The following NPSR1 variants were observed in gnomAD, a reference collection of about 807,000 sequenced individuals.
The protein encoded by NPSR1 is neuropeptide S receptor.
In NPSR1, 48 loss-of-function variants were observed where a neutral mutation model predicts 46.9. The ratio of observed to expected loss-of-function variants is 1.02; its 90% confidence interval spans 0.81 to 1.30. The LOEUF (loss-of-function observed/expected upper bound fraction) is 1.30, where lower values mean the gene tolerates loss of function less well. Ranked by LOEUF, NPSR1 falls within the 50% of genes most tolerant of loss-of-function variation. The probability of loss-of-function intolerance (pLI) is 0.00; values close to 1 mark genes in which losing one functional copy is unlikely to be tolerated. For synonymous variants in NPSR1, 176 were observed against 168.1 expected (o/e 1.05, Z -0.36); for missense variants, 450 against 449.5 (o/e 1.00, Z -0.01).
Position 34,862,930 on chromosome 7 carries a change from C to T in NPSR1, c.1025+14267C>T, listed in dbSNP as rs534307075. Among the ~76,000 whole-genome samples, 80 of 151,698 alleles carry T rather than the reference C, an allele frequency of 5.3e-4. 1 individual carries two copies. The highest frequency in any genetic ancestry group is 7.6e-4 in the Non-Finnish European group (52 of 67,980). On this transcript the variant is annotated intron_variant, in intron 8 of 8. Coordinates refer to the NPSR1 transcript ENST00000359791. ...TATGTTCTACAGTGAAATTCAATGACGACATTAAGATACTACAGCAAGGAG... is the reference window on the plus strand; with the variant it reads ...TATGTTCTACAGTGAAATTCAATGATGACATTAAGATACTACAGCAAGGAG...
At chr7:34,718,145 G>C (rs1009646334) in intron 2 of NPSR1, among the ~76,000 whole-genome samples, 1 of 152,116 alleles carries the variant, frequency 6.6e-6, no homozygotes, top group African/African-American at 2.4e-5. Flanking sequence ...AGTTAAAGTG[G>C]AAAATTCTTT....
At chr7:34,797,069 T>C (rs922215432) in intron 3 of NPSR1, among the ~76,000 whole-genome samples, 2 of 152,130 alleles carry the variant, frequency 1.3e-5, no homozygotes, top group Non-Finnish European at 2.9e-5. Context: ...TTTATGCATA[T>C]TAGTAAGCAA....
At chr7:34,813,007 A>G (rs139559891) in intron 4 of NPSR1, among the ~76,000 whole-genome samples, 94 of 152,314 alleles carry the variant, frequency 6.2e-4, no homozygotes, top group African/African-American at 2.2e-3. Flanking sequence ...TTCATTTACT[A>G]TTGACAGGGG....
intron 3 of NPSR1, chr7:34,779,527 G>A: frequency 9.5e-7 from 1 of 1,052,932 alleles, no homozygotes; most frequent in Non-Finnish European, 1.3e-6. Flanking sequence ...TTTTTCATTG[G>A]TTTTATTATT....
At chr7:34,809,238 T>G (rs556793021) in intron 3 of NPSR1, among the ~76,000 whole-genome samples, 122 of 151,526 alleles carry the variant, frequency 8.1e-4, no homozygotes, top group African/African-American at 2.9e-3. Flanking sequence ...GACGATCGAT[T>G]TTTTTTTTCT....
chr7:34,759,160 C>G (rs1459895968), intron 2 of NPSR1, among the ~76,000 whole-genome samples: 2 of 152,124 alleles, frequency 1.3e-5, no homozygotes, highest in Non-Finnish European at 2.9e-5. Flanking sequence ...ACTATTTTTC[C>G]TTTTGCAACT....
chr7:34,849,716 T>A lies in NPSR1; in HGVS notation c.*61T>A, dbSNP rs1306076243. On this transcript the variant is annotated 3_prime_UTR_variant, in exon 9 of 9. Coordinates refer to ENST00000360581, the MANE Select transcript of NPSR1 (RefSeq NM_207172.2). Reference sequence around the variant, plus strand: ...TCAGCTCTCCCAGGTCCTTGTCACCTGCTTGGGCACGTGCATGGAACCCGA... The same window carrying A: ...TCAGCTCTCCCAGGTCCTTGTCACCAGCTTGGGCACGTGCATGGAACCCGA... The A allele has an allele frequency of 6.3e-7, 1 of 1,597,734 alleles. No homozygotes were observed. Among genetic ancestry groups the A allele is most frequent in the African/African-American group, 1.3e-5 (1 of 74,340 alleles).
At chr7:34,794,971 A>G (rs1231370101) in intron 3 of NPSR1, among the ~76,000 whole-genome samples, 1 of 152,076 alleles carries the variant, frequency 6.6e-6, no homozygotes, top group East Asian at 1.9e-4. Flanking sequence ...CCCAGGGGTT[A>G]GAGGCTACAG....
intron 2 of NPSR1, among the ~76,000 whole-genome samples, chr7:34,742,193 G>C (rs940585515): frequency 6.6e-6 from 1 of 150,926 alleles, no homozygotes; most frequent in African/African-American, 2.4e-5. Flanking sequence ...TAGGTTTGGG[G>C]GTGCATGTGA....
At chr7:34,747,645 C>T (rs561324313) in intron 2 of NPSR1, among the ~76,000 whole-genome samples, 9 of 152,246 alleles carry the variant, frequency 5.9e-5, no homozygotes, top group South Asian at 2.1e-4. Context: ...CACACGTGCA[C>T]GAGCACCCAC....
At chr7:34,867,901 G>T (rs181603467) in intron 8 of NPSR1, among the ~76,000 whole-genome samples, 25 of 151,806 alleles carry the variant, frequency 1.6e-4, no homozygotes, top group Non-Finnish European at 3.1e-4. Context: ...AGGTATGCCT[G>T]CCCTAAATGG....
chr7:34,721,449 C>G (rs919585163), intron 2 of NPSR1, among the ~76,000 whole-genome samples: 8 of 152,136 alleles, frequency 5.3e-5, no homozygotes, highest in Non-Finnish European at 7.4e-5. Flanking sequence ...TCACCATTTT[C>G]AAGCACAGTA....
intron 3 of NPSR1, among the ~76,000 whole-genome samples, chr7:34,791,501 C>A (rs551733849): frequency 1.3e-5 from 2 of 150,660 alleles, no homozygotes; most frequent in Non-Finnish European, 3.0e-5. Flanking sequence ...TGAAGTTAAT[C>A]AAGTAGGTGA....
chr7:34,693,947 C>T (rs998963173), intron 2 of NPSR1, among the ~76,000 whole-genome samples: 1 of 151,974 alleles, frequency 6.6e-6, no homozygotes, highest in Non-Finnish European at 1.5e-5. Context: ...CAATAAAATC[C>T]AACATCTTTT....
intron 2 of NPSR1, among the ~76,000 whole-genome samples, chr7:34,732,124 A>C (rs186091881): frequency 6.6e-6 from 1 of 151,076 alleles, no homozygotes; most frequent in East Asian, 1.9e-4. Context: ...TGGAATTCTC[A>C]GTTTGTAGAA....
In NPSR1 at chr7:34,811,831, C is replaced by A; in HGVS notation, c.446C>A (p.Ala149Asp). ...TCCCTCAGCATAGACAGATACCATG[C>A]CATCGTCTACCCCATGAAGTTCCTT... ...LVSLSIDRYH[A>D]IVYPMKFLQG... Residue 149 changes from alanine to aspartate, a missense_variant, in exon 4 of 9, where the codon GCC (alanine) becomes GAC (aspartate). By Grantham distance (126) the Ala-to-Asp change is moderately radical. Transcript: ENST00000360581. The A allele has an allele frequency of 6.2e-7, 1 of 1,613,400 alleles. No individual in the cohort carries two copies. Among genetic ancestry groups the A allele is most frequent in the Non-Finnish European group, 8.5e-7 (1 of 1,179,710 alleles).
At chr7:34,830,957 T>C (rs1340641218) in intron 5 of NPSR1, among the ~76,000 whole-genome samples, 1 of 152,188 alleles carries the variant, frequency 6.6e-6, no homozygotes, top group Non-Finnish European at 1.5e-5. Context: ...CACCTTGCCT[T>C]GTTTCACCCA....
At chr7:34,723,333 C>G (rs1230105098) in intron 2 of NPSR1, 5 of 152,572 alleles carry the variant, frequency 3.3e-5, no homozygotes, top group African/African-American at 1.2e-4. Context: ...ATGACCTTCA[C>G]TGGGTCTAGG....
At chr7:34,720,604 G>T (rs1431348743) in intron 2 of NPSR1, among the ~76,000 whole-genome samples, 2 of 152,138 alleles carry the variant, frequency 1.3e-5, no homozygotes, top group African/African-American at 4.8e-5. Context: ...TTTGGTGTGT[G>T]TGATGGGGGA....
Sources: gnomAD v4.1 joint callset for allele counts (sites outside exome capture counted in the v4.1 genomes callset) on GRCh38, gnomAD v4.1.1 for gene constraint, MANE v1.5 for transcripts, NCBI Gene and HGNC (gene_info 2026-07-23, HGNC 2026-07-21) for gene names.